The following LRRC53 variants were observed in gnomAD, a reference collection of about 807,000 sequenced individuals.
The protein encoded by LRRC53 is leucine-rich repeat-containing protein 53.
LRRC53 carries 25 observed loss-of-function variants against 13.6 expected under a neutral mutation model. The ratio of observed to expected loss-of-function variants is 1.83; its 90% CI spans 1.34 to 2.56. The LOEUF (loss-of-function observed/expected upper bound fraction) is 2.56, where lower values mean the gene tolerates loss of function less well. Among genes scored for constraint, LRRC53 ranks in the 30% most tolerant of loss-of-function variants. The probability of loss-of-function intolerance (pLI) is 0.00; values close to 1 mark genes in which losing one functional copy is unlikely to be tolerated. For missense variants in LRRC53, 527 were observed against 275.8 expected (o/e 1.91, Z -6.45); for synonymous variants, 204 against 109.8 (o/e 1.86, Z -5.37).
chr1:74,498,338 G>A (rs1239471117), intron 1 of LRRC53, among the ~76,000 whole-genome samples: 1 of 151,976 alleles, frequency 6.6e-6, no homozygotes, highest in African/African-American at 2.4e-5. Context: ...GTATTTTCTG[G>A]GGGCTACCCC....
At chr1:74,511,375 T>C (rs991074068) in intron 1 of LRRC53, among the ~76,000 whole-genome samples, 5 of 152,148 alleles carry the variant, frequency 3.3e-5, no homozygotes, top group Non-Finnish European at 7.3e-5. Flanking sequence ...GTATTTTTAG[T>C]AGAGATAGGG....
intron 1 of LRRC53, among the ~76,000 whole-genome samples, chr1:74,507,728 G>T (rs190321431): frequency 3.4e-4 from 52 of 152,324 alleles, no homozygotes; most frequent in African/African-American, 1.2e-3. Flanking sequence ...TTTTAGCCAT[G>T]TTGGTATTCC....
intron 1 of LRRC53, among the ~76,000 whole-genome samples, chr1:74,496,532 T>A (rs1669334014): frequency 6.6e-6 from 1 of 152,186 alleles, no homozygotes; most frequent in African/African-American, 2.4e-5. Flanking sequence ...TTTTTGGTCA[T>A]GAAGTTCACA....
chr1:74,495,674 AC>A, intron 1 of LRRC53, among the ~76,000 whole-genome samples: 1 of 152,258 alleles, frequency 6.6e-6, no homozygotes, highest in Non-Finnish European at 1.5e-5. Context: ...AAGGTAAGCA[AC>A]TTTCCCAAGT....
chr1:74,499,441 T>C (rs965747679), intron 1 of LRRC53, among the ~76,000 whole-genome samples: 8 of 152,224 alleles, frequency 5.3e-5, no homozygotes, highest in African/African-American at 1.9e-4. Context: ...CCACAATAAC[T>C]TTTATTAAAG....
the LRRC53 span, among the ~76,000 whole-genome samples, chr1:74,530,922 CT>C: frequency 6.6e-6 from 1 of 152,000 alleles, no homozygotes; most frequent in Non-Finnish European, 1.5e-5. Flanking sequence ...ACTGTTGAGC[CT>C]ATTAATAATT....
At chr1:74,504,252 C>A (rs1669777567) in intron 1 of LRRC53, among the ~76,000 whole-genome samples, 1 of 152,168 alleles carries the variant, frequency 6.6e-6, no homozygotes, top group Admixed American at 6.5e-5. Flanking sequence ...ATGTTAAGAA[C>A]TCCTTTTCGG....
intron 1 of LRRC53, among the ~76,000 whole-genome samples, chr1:74,496,789 T>C (rs1373611155): frequency 6.6e-6 from 1 of 152,174 alleles, no homozygotes; most frequent in Non-Finnish European, 1.5e-5. Flanking sequence ...TAGATATATT[T>C]GGAAAACTAA....
chr1:74,529,248 C>A, the LRRC53 span, among the ~76,000 whole-genome samples: 1 of 152,076 alleles, frequency 6.6e-6, no homozygotes, highest in Non-Finnish European at 1.5e-5. Flanking sequence ...TCAAAATTAA[C>A]AACACAATAA....
At position 74,475,648 on chromosome 1, in the gene LRRC53, C is replaced by A. The variant is rs774376377; in HGVS notation, c.1067G>T (p.Cys356Phe). The A allele has an allele frequency of 4.2e-6, 3 of 717,058 alleles. 1 individual carries two copies. In the South Asian group the frequency reaches 4.4e-5, roughly 11 times the overall value. 44.4% of individuals were successfully genotyped at this position (717,058 alleles called of 1,614,324 possible). A position where few individuals can be genotyped will look rare whatever the true frequency, so the allele number is the denominator to read the frequency against. The change falls in exon 4 of 5, where the codon TGC becomes TTC. Residue 356 changes from cysteine (C) to phenylalanine (F), a missense_variant. Cys to Phe is a radical substitution (Grantham distance 205). Coordinates refer to ENST00000294635, the MANE Select transcript of LRRC53 (RefSeq NM_001382280.1). ...TATCTCGTTTTCCTGAGTTAAGTGG[C>A]AGTTGCAGTATCCCTTAGTGTGGTA... ...RNYHTKGYCN[C>F]HLTQENEIKV...
chr1:74,535,810 T>A, the LRRC53 span, among the ~76,000 whole-genome samples: 112 of 152,264 alleles, frequency 7.4e-4, no homozygotes, highest in African/African-American at 2.6e-3. Flanking sequence ...ATTCAGTCAG[T>A]CACAATTGAA....
the LRRC53 span, among the ~76,000 whole-genome samples, chr1:74,519,539 C>T: frequency 7.9e-6 from 1 of 126,030 alleles, no homozygotes; most frequent in African/African-American, 4.5e-5. Flanking sequence ...TCCTCTCCAG[C>T]ACCTGTTGTT....
At position 74,469,472 on chromosome 1, in the gene LRRC53, A is replaced by T. The variant is rs903355560; in HGVS notation, c.*406T>A. 6.5e-6 allele frequency: 1 copy of T among 154,896 alleles called. No individual in the cohort carries two copies. Among genetic ancestry groups the T allele is most frequent in the Non-Finnish European group, 1.4e-5 (1 of 69,892 alleles). The allele number at this position is 154,896 out of a possible 1,614,324, so 9.6% of individuals were successfully genotyped here. A position where few individuals can be genotyped will look rare whatever the true frequency, so the allele number is the denominator to read the frequency against. ...TATAATTATCCATGTAGAAAGCAAT[A>T]TTGTAATACCACTAATTGAGATATG... On this transcript the variant is annotated 3_prime_UTR_variant, in exon 5 of 5. Coordinates refer to ENST00000294635, the MANE Select transcript of LRRC53 (RefSeq NM_001382280.1).
At chr1:74,530,485 T>C in the LRRC53 span, among the ~76,000 whole-genome samples, 1 of 152,148 alleles carries the variant, frequency 6.6e-6, no homozygotes, top group Admixed American at 6.6e-5. Context: ...GCTTAGCAGG[T>C]ATGAAACAAT....
intron 1 of LRRC53, 110 bp downstream of exon 1, chr1:74,512,416 C>T (rs1278291316): frequency 1.3e-5 from 2 of 152,122 alleles, no homozygotes; most frequent in African/African-American, 4.8e-5. Flanking sequence ...ACATCACCCA[C>T]ATGATCATCT....
rs74599296 is a variant in LRRC53 at position 74,504,934 on chromosome 1, C to T, written c.-27+7592G>A. Among the ~76,000 whole-genome samples the T allele has an allele frequency of 5.5e-3, 841 of 152,256 alleles. 9 individuals are homozygous for T. The highest frequency in any genetic ancestry group is 0.02 in the African/African-American group (811 of 41,536). On this transcript the variant is annotated intron_variant, in intron 1 of 4. Coordinates refer to ENST00000294635, the MANE Select transcript of LRRC53 (RefSeq NM_001382280.1). Reference sequence around the variant, plus strand: ...TTCCCAGCCACATGAAGAGAACCTGCGAAGATTCGCCGGAGGCAAACTGCT... The same window carrying T: ...TTCCCAGCCACATGAAGAGAACCTGTGAAGATTCGCCGGAGGCAAACTGCT...
At chr1:74,504,996 A>G (rs920401827) in intron 1 of LRRC53, among the ~76,000 whole-genome samples, 2 of 152,210 alleles carry the variant, frequency 1.3e-5, no homozygotes, top group Admixed American at 6.5e-5. Context: ...TTTCAATTAG[A>G]TGAAATGACA....
At chr1:74,509,238 A>C (rs1355473007) in intron 1 of LRRC53, among the ~76,000 whole-genome samples, 1 of 152,188 alleles carries the variant, frequency 6.6e-6, no homozygotes, top group East Asian at 1.9e-4. Flanking sequence ...TTCCTCAGTC[A>C]AGTTGCCATT....
At chr1:74,534,449 T>A in the LRRC53 span, among the ~76,000 whole-genome samples, 1 of 152,140 alleles carries the variant, frequency 6.6e-6, no homozygotes, top group Non-Finnish European at 1.5e-5. Context: ...AAACCATGAT[T>A]CATTGCTCCA....
Sources: gnomAD v4.1 joint callset for allele counts (sites outside exome capture counted in the v4.1 genomes callset) on GRCh38, gnomAD v4.1.1 for gene constraint, MANE v1.5 for transcripts, NCBI Gene and HGNC (gene_info 2026-07-23, HGNC 2026-07-21) for gene names.